The following TBC1D19 variants were observed in gnomAD, a reference collection of about 807,000 sequenced individuals.
The protein encoded by TBC1D19 is TBC1 domain family member 19.
A neutral mutation model predicts 89.0 loss-of-function variants in TBC1D19; 60 were observed. The observed-to-expected ratio is 0.67, with a 90% CI of 0.55 to 0.84. The LOEUF (loss-of-function observed/expected upper bound fraction) is 0.84. Among genes scored for constraint, TBC1D19 ranks in the 40% least tolerant of loss-of-function variants. The probability of loss-of-function intolerance (pLI) is 0.00; values close to 1 mark genes in which losing one functional copy is unlikely to be tolerated. For synonymous variants in TBC1D19, 189 were observed against 199.7 expected (o/e 0.95, Z 0.45); for missense variants, 500 against 610.8 (o/e 0.82, Z 1.91).
intron 15 of TBC1D19, among the ~76,000 whole-genome samples, chr4:26,723,819 C>T (rs1717131594): frequency 6.6e-6 from 1 of 152,084 alleles, no homozygotes; most frequent in East Asian, 1.9e-4. Context: ...AAACAAAGTA[C>T]CTGCTGCCAA....
At chr4:26,720,032 G>A (rs370397375) in intron 14 of TBC1D19, 49 bp from the exon 15 acceptor site, 125 of 1,469,140 alleles carry the variant, frequency 8.5e-5, no homozygotes, top group Admixed American at 4.2e-4. Context: ...GATTTTTAAA[G>A]ATTTATTTAC....
the TBC1D19 span, among the ~76,000 whole-genome samples, chr4:26,764,789 G>C: frequency 3.3e-5 from 5 of 152,062 alleles, no homozygotes; most frequent in Non-Finnish European, 5.9e-5. Context: ...ATGGATTAAA[G>C]GTTACAACAA....
chr4:26,813,521 C>A, the TBC1D19 span, among the ~76,000 whole-genome samples: 3 of 152,050 alleles, frequency 2.0e-5, no homozygotes, highest in Admixed American at 6.6e-5. Context: ...TGTCTTAGAC[C>A]CTGCTGGGGT....
At chr4:26,822,471 A>G in the TBC1D19 span, among the ~76,000 whole-genome samples, 4 of 152,342 alleles carry the variant, frequency 2.6e-5, no homozygotes, top group South Asian at 4.1e-4. Context: ...CAGTGTGCTG[A>G]CATTTCCAAG....
At chr4:26,804,069 AC>A in the TBC1D19 span, among the ~76,000 whole-genome samples, 46 of 151,804 alleles carry the variant, frequency 3.0e-4, no homozygotes, top group Admixed American at 4.6e-4. Context: ...AATAAAGAAA[AC>A]AAAACAAAAC....
chr4:26,776,897 T>C, the TBC1D19 span, among the ~76,000 whole-genome samples: 5 of 152,282 alleles, frequency 3.3e-5, no homozygotes, highest in East Asian at 3.9e-4. Context: ...AGCCAAGTAA[T>C]AACTAATATA....
the TBC1D19 span, among the ~76,000 whole-genome samples, chr4:26,790,349 A>G: frequency 2.6e-5 from 4 of 152,176 alleles, no homozygotes; most frequent in Admixed American, 1.3e-4. Flanking sequence ...CCTCCACTGA[A>G]CTGTTACTTG....
At chr4:26,579,493 T>C (rs897196782), upstream of TBC1D19, among the ~76,000 whole-genome samples, 4 of 142,132 alleles carry the variant, frequency 2.8e-5, no homozygotes, top group African/African-American at 1.0e-4. Context: ...CTTTCCTGCC[T>C]TTTTTTTTTT....
At chr4:26,765,990 GCACGATA>G in the TBC1D19 span, among the ~76,000 whole-genome samples, 1 of 152,116 alleles carries the variant, frequency 6.6e-6, no homozygotes, top group Non-Finnish European at 1.5e-5. Flanking sequence ...CATAACACAT[GCACGATA>G]CACTGCCAAG....
intron 11 of TBC1D19, among the ~76,000 whole-genome samples, chr4:26,682,016 G>T (rs1336663324): frequency 6.6e-6 from 1 of 152,076 alleles, no homozygotes; most frequent in East Asian, 1.9e-4. Context: ...ACAGTTGAAT[G>T]GAAGGAAAAA....
At position 26,677,089 on chromosome 4, in the gene TBC1D19, A is replaced by G. The variant is rs150154841; in HGVS notation, c.816+3201A>G. On this transcript the variant is annotated intron_variant, in intron 11 of 20. Coordinates refer to ENST00000264866, the MANE Select transcript of TBC1D19 (RefSeq NM_018317.4). ...AACACTCTTCCTAAATTCCTTTTTC[A>G]GTACCACTGTCCATCAAGGAACCGT... 2.0e-5 allele frequency among the ~76,000 whole-genome samples: 3 copies of G among 152,276 alleles called. 1 individual carries two copies. Among genetic ancestry groups the G allele is most frequent in the African/African-American group, 4.8e-5 (2 of 41,554 alleles).
At chr4:26,647,598 C>G (rs1041585231) in intron 7 of TBC1D19, among the ~76,000 whole-genome samples, 1 of 152,104 alleles carries the variant, frequency 6.6e-6, no homozygotes, top group Non-Finnish European at 1.5e-5. Flanking sequence ...AGTGGCTTCC[C>G]ATCTTATTCT....
At chr4:26,598,488 G>A (rs1300394140) in intron 1 of TBC1D19, among the ~76,000 whole-genome samples, 1 of 152,066 alleles carries the variant, frequency 6.6e-6, no homozygotes, top group African/African-American at 2.4e-5. Flanking sequence ...TCCGCCTCCC[G>A]GTTTCACGCC....
At chr4:26,855,974 T>G in the TBC1D19 span, among the ~76,000 whole-genome samples, 1 of 152,236 alleles carries the variant, frequency 6.6e-6, no homozygotes, top group Non-Finnish European at 1.5e-5. Flanking sequence ...TTAACCTTTT[T>G]TGTAGTGACA....
intron 11 of TBC1D19, among the ~76,000 whole-genome samples, chr4:26,675,717 C>T (rs947964542): frequency 6.6e-6 from 1 of 152,030 alleles, no homozygotes; most frequent in African/African-American, 2.4e-5. Flanking sequence ...GCTTTTCAAT[C>T]ACATAAAATA....
At chr4:26,818,145 CA>C in the TBC1D19 span, among the ~76,000 whole-genome samples, 6 of 151,674 alleles carry the variant, frequency 4.0e-5, no homozygotes, top group African/African-American at 1.5e-4. Flanking sequence ...TGCCACAACA[CA>C]AAAAAACAAG....
At chr4:26,628,379 T>G (rs189252679) in intron 4 of TBC1D19, among the ~76,000 whole-genome samples, 160 of 152,304 alleles carry the variant, frequency 1.1e-3, no homozygotes, top group African/African-American at 3.6e-3. Flanking sequence ...GGCTCTTTTT[T>G]GTTTCCATGT....
chr4:26,585,702 G>A (rs537053506), intron 1 of TBC1D19, among the ~76,000 whole-genome samples: 24 of 151,756 alleles, frequency 1.6e-4, no homozygotes, highest in African/African-American at 5.3e-4. Flanking sequence ...TCCCGCCTTC[G>A]CCTCCTGAAT....
At chr4:26,640,360 T>A (rs1377942583) in intron 7 of TBC1D19, among the ~76,000 whole-genome samples, 173 bp downstream of exon 7, 1 of 152,110 alleles carries the variant, frequency 6.6e-6, no homozygotes, top group East Asian at 1.9e-4. Context: ...GAAAATATAT[T>A]GGAATATGGA....
Sources: gnomAD v4.1 joint callset for allele counts (sites outside exome capture counted in the v4.1 genomes callset) on GRCh38, gnomAD v4.1.1 for gene constraint, MANE v1.5 for transcripts, NCBI Gene and HGNC (gene_info 2026-07-23, HGNC 2026-07-21) for gene names.